The following ASAP2 variants were observed in gnomAD, a reference collection of about 807,000 sequenced individuals.
The protein encoded by ASAP2 is arf-GAP with SH3 domain, ANK repeat and PH domain-containing protein 2.
In ASAP2, 45 loss-of-function variants were observed where a neutral mutation model predicts 131.4. The observed-to-expected ratio is 0.34, with a 90% CI of 0.27 to 0.44. ASAP2 has a LOEUF of 0.44. ASAP2 is among the 20% of genes least tolerant of loss of function. The pLI, the probability that ASAP2 is intolerant of heterozygous loss-of-function variation, is 1.00. For synonymous variants in ASAP2, 510 were observed against 503.0 expected, an observed-to-expected ratio of 1.01 and a Z score of -0.19; for missense variants, 1,011 against 1,297.0, an observed-to-expected ratio of 0.78 and a Z score of 3.39.
chr2:9,297,250 G>A, intron 2 of ASAP2, 50 bp from the exon 3 acceptor site: 1 of 1,602,054 alleles, frequency 6.2e-7, no homozygotes, highest in South Asian at 1.1e-5. Flanking sequence ...CTGGTGGGGA[G>A]TGAGGGTGGC....
At chr2:9,258,672 C>G (rs1029424243) in intron 1 of ASAP2, among the ~76,000 whole-genome samples, 15 of 152,156 alleles carry the variant, frequency 9.9e-5, no homozygotes, top group African/African-American at 3.4e-4. Context: ...GGCGAAACCC[C>G]CGGAAGCTGC....
At chr2:9,220,307 T>TTGCC (rs1220858715) in intron 1 of ASAP2, among the ~76,000 whole-genome samples, 2 of 152,246 alleles carry the variant, frequency 1.3e-5, no homozygotes, top group Non-Finnish European at 2.9e-5. Context: ...GCCAAACTGT[T>TTGCC]TGCCAAAGAG....
intron 1 of ASAP2, among the ~76,000 whole-genome samples, chr2:9,276,625 C>T (rs1317137894): frequency 6.6e-6 from 1 of 152,060 alleles, no homozygotes; most frequent in Non-Finnish European, 1.5e-5. Context: ...GCAACCTCCA[C>T]CTCCCAGGTT....
rs575002671 is a variant in ASAP2 at position 9,259,008 on chromosome 2, G to A, written c.127-20309G>A. Among the ~76,000 whole-genome samples the A allele has an allele frequency of 8.5e-5, 13 of 152,196 alleles. No homozygotes were observed. In the South Asian group the frequency reaches 2.5e-3, roughly 29 times the overall value. Reference sequence around the variant, plus strand: ...GACCAGGACCCTGGGCCTGCTCTTCGGCCTTTCTCTGTGGTGTCTGCAGGC... The same window carrying A: ...GACCAGGACCCTGGGCCTGCTCTTCAGCCTTTCTCTGTGGTGTCTGCAGGC... On this transcript the variant is annotated intron_variant, in intron 1 of 27. Coordinates refer to ENST00000281419, the MANE Select transcript of ASAP2 (RefSeq NM_003887.3).
At chr2:9,216,852 C>T (rs1662085997) in intron 1 of ASAP2, among the ~76,000 whole-genome samples, 1 of 152,006 alleles carries the variant, frequency 6.6e-6, no homozygotes, top group Admixed American at 6.6e-5. Context: ...TCCTGCCTTG[C>T]CCTCCCAAAG....
At chr2:9,221,132 A>T (rs531495301) in intron 1 of ASAP2, among the ~76,000 whole-genome samples, 1 of 151,898 alleles carries the variant, frequency 6.6e-6, no homozygotes, top group Non-Finnish European at 1.5e-5. Context: ...TGTTTTGGCT[A>T]TTGAGGCTCC....
intron 6 of ASAP2, among the ~76,000 whole-genome samples, chr2:9,324,507 T>A (rs2148517899): frequency 6.6e-6 from 1 of 152,334 alleles, no homozygotes; most frequent in East Asian, 1.9e-4. Flanking sequence ...ACCTTCTTGC[T>A]GGTGGGCGCT....
chr2:9,402,086 C>T (rs10210194), intron 27 of ASAP2, among the ~76,000 whole-genome samples: 16,269 of 152,242 alleles, frequency 0.11, 921 homozygotes, highest in African/African-American at 0.15. Flanking sequence ...GGCACAGCTC[C>T]GCAACTGAGC....
At chr2:9,312,297 C>T (rs1284947620) in intron 3 of ASAP2, among the ~76,000 whole-genome samples, 6 of 152,032 alleles carry the variant, frequency 3.9e-5, no homozygotes, top group Non-Finnish European at 1.5e-5. Context: ...TAAATAATTC[C>T]AAAGAGAAAA....
At chr2:9,330,851 A>G (rs1468350746) in intron 7 of ASAP2, among the ~76,000 whole-genome samples, 1 of 152,212 alleles carries the variant, frequency 6.6e-6, no homozygotes, top group Non-Finnish European at 1.5e-5. Flanking sequence ...TTGGCCTTTT[A>G]TGGACATGAT....
intron 11 of ASAP2, among the ~76,000 whole-genome samples, chr2:9,349,118 A>G (rs1280156962): frequency 6.6e-6 from 1 of 152,226 alleles, no homozygotes; most frequent in Non-Finnish European, 1.5e-5. Flanking sequence ...TTCATGAAAA[A>G]TGTTTAGAAC....
chr2:9,297,210 T>C lies in ASAP2; in HGVS notation c.200-90T>C, dbSNP rs563859631. The C allele has an allele frequency of 1.2e-5, 18 of 1,455,140 alleles. No individual in the cohort carries two copies. In the Admixed American group the frequency reaches 2.4e-4, roughly 20 times the overall value. 90.1% of individuals were successfully genotyped at this position (1,455,140 alleles called of 1,614,324 possible). On this transcript the variant is annotated intron_variant, in intron 2 of 27. Transcript: ENST00000281419. ...TTCTCAGATTTTTCTTCTGCTGATG[T>C]GTTCAGTGTTATTCACAACCGAGAA...
In ASAP2 at chr2:9,217,568, C is replaced by G. The variant is rs1384351587; in HGVS notation, c.126+10338C>G. On this transcript the variant is annotated intron_variant, in intron 1 of 27. Coordinates refer to ENST00000281419, the MANE Select transcript of ASAP2 (RefSeq NM_003887.3). This position sits in a 1 kb window ranked among gnomAD's most constrained non-coding sequence, Gnocchi z 4.0. ...GTCAGGATTGTCGGGACCTCTTTCC[C>G]CAGCTTCTCAGAAGAAATCATGTTC... Among the ~76,000 whole-genome samples, 1 of 152,040 alleles carries G rather than the reference C, an allele frequency of 6.6e-6. No homozygotes were observed. The highest frequency in any genetic ancestry group is 2.4e-5 in the African/African-American group (1 of 41,398).
intron 6 of ASAP2, among the ~76,000 whole-genome samples, chr2:9,324,377 TCTTAGC>T (rs2148517600): frequency 6.6e-6 from 1 of 152,334 alleles, no homozygotes; most frequent in East Asian, 1.9e-4. Context: ...TATCTACTTA[TCTTAGC>T]CTGTTTTCTG....
At chr2:9,399,503 C>T (rs753955887) in intron 24 of ASAP2, 6 of 156,088 alleles carry the variant, frequency 3.8e-5, no homozygotes, top group South Asian at 3.9e-4. Context: ...GTGTTTCTAC[C>T]TTGTGGCTTT....
intron 15 of ASAP2, among the ~76,000 whole-genome samples, chr2:9,363,418 C>T (rs553695899): frequency 1.3e-5 from 2 of 152,146 alleles, no homozygotes; most frequent in East Asian, 3.8e-4. Context: ...TGCAAGCCTT[C>T]CCTTTTCTCC....
intron 2 of ASAP2, among the ~76,000 whole-genome samples, chr2:9,291,896 C>T (rs764673554): frequency 6.6e-5 from 10 of 152,004 alleles, no homozygotes; most frequent in African/African-American, 1.7e-4. Context: ...TGTACATTGT[C>T]GCTGTCTTCA....
At chr2:9,378,729 G>A (rs889512944) in intron 18 of ASAP2, among the ~76,000 whole-genome samples, 7 of 152,180 alleles carry the variant, frequency 4.6e-5, no homozygotes, top group Admixed American at 6.5e-5. Context: ...TGCCATCATC[G>A]TGTTATTTCC....
chr2:9,320,820 A>G (rs1670103721), intron 5 of ASAP2, among the ~76,000 whole-genome samples: 1 of 152,218 alleles, frequency 6.6e-6, no homozygotes, highest in Non-Finnish European at 1.5e-5. Flanking sequence ...CATCTGCCAA[A>G]AAATAACCTG....
Sources: gnomAD v4.1 joint callset for allele counts (sites outside exome capture counted in the v4.1 genomes callset) on GRCh38, gnomAD v4.1.1 for gene constraint, Gnocchi (gnomAD v3.1) non-coding constraint, MANE v1.5 for transcripts, NCBI Gene and HGNC (gene_info 2026-07-23, HGNC 2026-07-21) for gene names.